RBPMS: variants seen among roughly 807,000 people sequenced by gnomAD.
RBPMS encodes RNA-binding protein with multiple splicing.
Under a neutral mutation model 26.8 loss-of-function variants are expected in RBPMS, and 7 were observed. That is an observed-to-expected ratio of 0.26 (90% CI 0.15 to 0.49). The LOEUF (loss-of-function observed/expected upper bound fraction) is 0.49, where lower values mean the gene tolerates loss of function less well. Among genes scored for constraint, RBPMS ranks in the 20% least tolerant of loss-of-function variants. The probability of loss-of-function intolerance (pLI) is 0.98; values close to 1 mark genes in which losing one functional copy is unlikely to be tolerated. For missense variants in RBPMS, 186 were observed against 250.0 expected, an observed-to-expected ratio of 0.74 and a Z score of 1.73; for synonymous variants, 96 against 93.3, an observed-to-expected ratio of 1.03 and a Z score of -0.17.
At chr8:30,529,233 TGTG>T (rs1563414833) in intron 5 of RBPMS, among the ~76,000 whole-genome samples, 1 of 151,710 alleles carries the variant, frequency 6.6e-6, no homozygotes, top group Non-Finnish European at 1.5e-5. Flanking sequence ...AAAAAAAAAT[TGTG>T]GTAAAATATA....
chr8:30,529,041 C>T (rs563634403), intron 5 of RBPMS, among the ~76,000 whole-genome samples: 125 of 151,788 alleles, frequency 8.2e-4, no homozygotes, highest in African/African-American at 3.0e-3. Flanking sequence ...CATGGTAAAG[C>T]CCACGTCTCT....
intron 5 of RBPMS, among the ~76,000 whole-genome samples, chr8:30,538,265 T>C (rs1413047114): frequency 6.6e-6 from 1 of 152,152 alleles, no homozygotes; most frequent in African/African-American, 2.4e-5. Context: ...CCAATCTTTT[T>C]TTTTTTGGAG....
intron 8 of RBPMS, among the ~76,000 whole-genome samples, chr8:30,569,096 C>T (rs1442687364): frequency 2.0e-5 from 3 of 152,222 alleles, no homozygotes; most frequent in Non-Finnish European, 2.9e-5. Context: ...ATCAGGGCTG[C>T]AGCTACCCAT....
At chr8:30,534,226 A>G (rs1386535288) in intron 5 of RBPMS, among the ~76,000 whole-genome samples, 1 of 152,202 alleles carries the variant, frequency 6.6e-6, no homozygotes, top group Non-Finnish European at 1.5e-5. Flanking sequence ...GACTCTGGAA[A>G]CAGATTCTTT....
chr8:30,539,125 C>A (rs1302263821), intron 5 of RBPMS, among the ~76,000 whole-genome samples: 2 of 152,048 alleles, frequency 1.3e-5, no homozygotes, highest in Non-Finnish European at 2.9e-5. Flanking sequence ...TTTCTTGTTT[C>A]AAAATTTATA....
At position 30,419,070 on chromosome 8, in the gene RBPMS, A is replaced by G. The variant is rs564603370; in HGVS notation, c.66+33912A>G. 4.1e-4 allele frequency among the ~76,000 whole-genome samples: 63 copies of G among 151,838 alleles called. No individual in the cohort carries two copies. In the South Asian group the frequency reaches 1.0e-2, roughly 24 times the overall value. On this transcript the variant is annotated intron_variant, in intron 1 of 8. Coordinates refer to ENST00000397323, the MANE Select transcript of RBPMS (RefSeq NM_001008710.3). ...AGAAAATCCAAGATTATCAGTTGAAAAAAAAAAAAAAACAGAACTAATAAA... is the reference window on the plus strand; with the variant it reads ...AGAAAATCCAAGATTATCAGTTGAAGAAAAAAAAAAAACAGAACTAATAAA...
chr8:30,471,886 C>T (rs1817145523), intron 1 of RBPMS, among the ~76,000 whole-genome samples: 1 of 152,110 alleles, frequency 6.6e-6, no homozygotes. Flanking sequence ...AACACTTGAA[C>T]AACAAACTTG....
At chr8:30,565,816 G>T (rs1827848340) in intron 7 of RBPMS, 3 of 152,676 alleles carry the variant, frequency 2.0e-5, no homozygotes, top group South Asian at 4.1e-4. Context: ...ATCTTGCTGT[G>T]TGGGGGCCTC....
At chr8:30,451,279 A>G (rs943105151) in intron 1 of RBPMS, among the ~76,000 whole-genome samples, 6 of 152,222 alleles carry the variant, frequency 3.9e-5, no homozygotes, top group South Asian at 2.1e-4. Context: ...TCGTTGAATC[A>G]TATCCTGTCA....
At chr8:30,486,651 A>G (rs1201527814) in intron 4 of RBPMS, among the ~76,000 whole-genome samples, 4 of 140,228 alleles carry the variant, frequency 2.9e-5, no homozygotes. Context: ...ATAAAAAAAT[A>G]AAAGAATCTC....
intron 1 of RBPMS, among the ~76,000 whole-genome samples, chr8:30,437,334 A>G (rs966656845): frequency 1.7e-4 from 26 of 152,004 alleles, no homozygotes; most frequent in African/African-American, 6.3e-4. Context: ...AAAATTTTGT[A>G]TTGAACTCTT....
intron 5 of RBPMS, among the ~76,000 whole-genome samples, chr8:30,543,999 T>A (rs930347426): frequency 6.6e-6 from 1 of 152,236 alleles, no homozygotes; most frequent in South Asian, 2.1e-4. Flanking sequence ...TGCTTGATGA[T>A]CATTACTGAC....
chr8:30,451,084 T>C (rs1192417612), intron 1 of RBPMS, among the ~76,000 whole-genome samples: 1 of 152,178 alleles, frequency 6.6e-6, no homozygotes, highest in African/African-American at 2.4e-5. Flanking sequence ...GTTTCCATCC[T>C]GGGGTCTTGT....
intron 1 of RBPMS, among the ~76,000 whole-genome samples, chr8:30,450,787 C>CTAA (rs1814478970): frequency 1.1e-5 from 1 of 87,384 alleles, no homozygotes; most frequent in Non-Finnish European, 2.2e-5. Flanking sequence ...TGCCTGAAAG[C>CTAA]AAAAAAAAAA....
intron 2 of RBPMS, among the ~76,000 whole-genome samples, chr8:30,475,574 C>T (rs1817597448): frequency 6.6e-6 from 1 of 152,116 alleles, no homozygotes; most frequent in South Asian, 2.1e-4. Context: ...TGGCAGAGAC[C>T]ACACTTATGA....
intron 6 of RBPMS, chr8:30,556,179 C>T (rs1467743138): frequency 3.0e-6 from 3 of 985,298 alleles, no homozygotes; most frequent in Non-Finnish European, 1.2e-6. Context: ...TGTGTGTCCG[C>T]CACCCGCCAC....
At chr8:30,498,881 T>C (rs1250684752) in intron 4 of RBPMS, among the ~76,000 whole-genome samples, 2 of 151,928 alleles carry the variant, frequency 1.3e-5, no homozygotes, top group East Asian at 3.8e-4. Flanking sequence ...TATATTAAAA[T>C]GTGTTTATTA....
chr8:30,388,307 AATAG>A (rs1384171139), intron 1 of RBPMS, among the ~76,000 whole-genome samples: 3 of 151,968 alleles, frequency 2.0e-5, no homozygotes, highest in African/African-American at 7.2e-5. Flanking sequence ...ATTGATATAT[AATAG>A]ATCCATAATT....
chr8:30,509,026 A>G (rs1364840946), intron 5 of RBPMS, among the ~76,000 whole-genome samples: 1 of 152,152 alleles, frequency 6.6e-6, no homozygotes, highest in African/African-American at 2.4e-5. Context: ...CCTGTACTCC[A>G]GCTCCAAGGA....
Sources: allele counts gnomAD v4.1 joint callset (sites outside exome capture counted in the v4.1 genomes callset), GRCh38; gene constraint gnomAD v4.1.1; transcripts MANE v1.5; gene names NCBI Gene and HGNC (gene_info 2026-07-23, HGNC 2026-07-21).